RASA1: variants seen among roughly 807,000 people sequenced by gnomAD.
RASA1 encodes ras GTPase-activating protein 1.
Under a neutral mutation model 132.2 loss-of-function variants are expected in RASA1, and 25 were observed. The ratio of observed to expected loss-of-function variants is 0.19; its 90% CI spans 0.14 to 0.26. The LOEUF is 0.26. Ranked by LOEUF, RASA1 falls within the 10% of genes least tolerant of loss-of-function variation. The pLI, the probability that RASA1 is intolerant of heterozygous loss-of-function variation, is 1.00. For synonymous variants in RASA1, 477 were observed against 449.9 expected, an observed-to-expected ratio of 1.06 and a Z score of -0.76; for missense variants, 964 against 1,299.2, an observed-to-expected ratio of 0.74 and a Z score of 3.97.
chr5:87,334,889 C>CTT (rs1353348896), intron 4 of RASA1, among the ~76,000 whole-genome samples: 1 of 145,126 alleles, frequency 6.9e-6, no homozygotes. Context: ...TAGTTTGTTC[C>CTT]TTTTTTTTTT....
chr5:87,302,321 T>C (rs1399741768), intron 1 of RASA1, among the ~76,000 whole-genome samples: 1 of 152,032 alleles, frequency 6.6e-6, no homozygotes, highest in Non-Finnish European at 1.5e-5. Context: ...TTTTTTCATA[T>C]GTTCATTGGT....
intron 21 of RASA1, among the ~76,000 whole-genome samples, chr5:87,385,087 G>A (rs1761976974): frequency 6.6e-6 from 1 of 152,058 alleles, no homozygotes; most frequent in Non-Finnish European, 1.5e-5. Context: ...GCACTGATAA[G>A]CATATTCACT....
chr5:87,312,101 A>ATGATG (rs1755960981), intron 1 of RASA1, among the ~76,000 whole-genome samples: 1 of 152,266 alleles, frequency 6.6e-6, no homozygotes, highest in South Asian at 2.1e-4. Flanking sequence ...TGATCACTGC[A>ATGATG]TGATGCAACC....
intron 1 of RASA1, among the ~76,000 whole-genome samples, chr5:87,306,767 G>C (rs972626033): frequency 6.6e-6 from 1 of 152,026 alleles, no homozygotes; most frequent in African/African-American, 2.4e-5. Context: ...GAGTTTGGAA[G>C]ATTCTTGACC....
At chr5:87,334,714 C>T (rs1013861461) in intron 4 of RASA1, among the ~76,000 whole-genome samples, 7 of 152,152 alleles carry the variant, frequency 4.6e-5, no homozygotes, top group African/African-American at 1.7e-4. Context: ...AAGACAGTTT[C>T]ATTGAAGAGT....
chr5:87,273,291 GA>G (rs1462118808), intron 1 of RASA1, among the ~76,000 whole-genome samples: 2 of 152,016 alleles, frequency 1.3e-5, no homozygotes, highest in African/African-American at 4.8e-5. Context: ...CTATTTATTT[GA>G]ATATTTTTGA....
At chr5:87,380,693 T>C in intron 20 of RASA1, 98 bp downstream of exon 20, 1 of 1,124,970 alleles carries the variant, frequency 8.9e-7, no homozygotes. Flanking sequence ...CTTTTTTCTT[T>C]GGCTTTTATG....
Position 87,268,844 on chromosome 5 carries a change from C to A in RASA1, c.393C>A (p.Gly131=). 1.2e-6 allele frequency: 2 copies of A among 1,614,114 alleles called. No individual in the cohort carries two copies. Among genetic ancestry groups the A allele is most frequent in the Non-Finnish European group, 1.7e-6 (2 of 1,180,030 alleles). The change falls in exon 1 of 25, where the codon GGC becomes GGA. Residue 131 remains glycine (G), a synonymous_variant. Coordinates refer to ENST00000274376, the MANE Select transcript of RASA1 (RefSeq NM_002890.3). ...TGCTTGCTGAGACTCTCGGGCCAGG[C>A]GGCGGTTTTCCCCCTCTGCCCCCTC... ...TSLLAETLGP[G]GGFPPLPPPP...
intron 6 of RASA1, among the ~76,000 whole-genome samples, chr5:87,341,624 G>A (rs1758468653): frequency 6.6e-6 from 1 of 151,988 alleles, no homozygotes; most frequent in Non-Finnish European, 1.5e-5. Flanking sequence ...ATTATTCATA[G>A]TATTTCTTGG....
At chr5:87,287,409 C>CAT (rs1352840567) in intron 1 of RASA1, among the ~76,000 whole-genome samples, 3 of 135,568 alleles carry the variant, frequency 2.2e-5, no homozygotes, top group Non-Finnish European at 4.7e-5. Context: ...ATATACACAC[C>CAT]ATATATACAC....
chr5:87,366,717 GTC>G (rs552420786), intron 11 of RASA1, among the ~76,000 whole-genome samples: 2 of 152,162 alleles, frequency 1.3e-5, no homozygotes, highest in Non-Finnish European at 2.9e-5. Flanking sequence ...CTAAACTCAA[GTC>G]TCTCATTTAG....
At chr5:87,337,847 T>G in intron 4 of RASA1, 127 bp from the exon 5 acceptor site, 1 of 950,928 alleles carries the variant, frequency 1.1e-6, no homozygotes, top group Non-Finnish European at 1.5e-6. Flanking sequence ...AAATTTAGGG[T>G]GTTTGACTCT....
chr5:87,325,175 G>T (rs1313042756), intron 1 of RASA1, among the ~76,000 whole-genome samples: 6 of 152,058 alleles, frequency 3.9e-5, no homozygotes, highest in African/African-American at 1.4e-4. Flanking sequence ...GCAAAAGGGG[G>T]AAAAGCCCCT....
At position 87,268,231 on chromosome 5, in the gene RASA1, GT is replaced by G. The variant is rs1753649822; in HGVS notation, c.-215del. On this transcript the variant is annotated 5_prime_UTR_variant, in exon 1 of 25. Transcript: ENST00000274376. ...TGGGTGGCGTTTGTGCAGGCGTTGGGTTTTTTGCCCACTTGGCTTCCCGTAA... is the reference window on the plus strand; with the variant it reads ...TGGGTGGCGTTTGTGCAGGCGTTGGGTTTTTGCCCACTTGGCTTCCCGTAA... 4.7e-6 allele frequency: 3 copies of G among 637,648 alleles called. No homozygotes were observed. Among genetic ancestry groups the G allele is most frequent in the Non-Finnish European group, 7.8e-6 (3 of 382,298 alleles). The allele number at this position is 637,648 out of a possible 1,614,324, so 39.5% of individuals were successfully genotyped here.
chr5:87,330,734 C>T (rs1363828477), intron 1 of RASA1, among the ~76,000 whole-genome samples: 1 of 152,046 alleles, frequency 6.6e-6, no homozygotes, highest in African/African-American at 2.4e-5. Context: ...TTTATTCTCC[C>T]ACATGTTTGT....
chr5:87,317,814 T>G (rs1756458570), intron 1 of RASA1, among the ~76,000 whole-genome samples: 1 of 152,048 alleles, frequency 6.6e-6, no homozygotes, highest in Admixed American at 6.5e-5. Flanking sequence ...TTTTGTACAT[T>G]TTGTAGAGAC....
At chr5:87,284,250 G>A (rs754707824) in intron 1 of RASA1, among the ~76,000 whole-genome samples, 14 of 152,082 alleles carry the variant, frequency 9.2e-5, no homozygotes, top group Non-Finnish European at 2.1e-4. Flanking sequence ...TTAAACCATT[G>A]TTAGCTTTCT....
intron 1 of RASA1, among the ~76,000 whole-genome samples, chr5:87,286,217 G>A (rs1278735806): frequency 6.6e-6 from 1 of 152,024 alleles, no homozygotes; most frequent in Non-Finnish European, 1.5e-5. Context: ...TGGCAAGGCT[G>A]GTCTCGAATG....
rs145879163 is a variant in RASA1, at chr5:87,372,281, T to C, written c.1776+86T>C. On this transcript the variant is annotated intron_variant, in intron 13 of 24. Coordinates refer to ENST00000274376, the MANE Select transcript of RASA1 (RefSeq NM_002890.3). ...TTATTTTATTTTTATCTGAACTGTT[T>C]TGGACATCATATGGGGTTAAGCCAT... 4.0e-6 allele frequency: 5 copies of C among 1,245,792 alleles called. No homozygotes were observed. In the East Asian group the frequency reaches 9.9e-5, roughly 25 times the overall value. 77.2% of individuals were successfully genotyped at this position (1,245,792 alleles called of 1,614,324 possible).
Sources: gnomAD v4.1 joint callset for allele counts (sites outside exome capture counted in the v4.1 genomes callset) on GRCh38, gnomAD v4.1.1 for gene constraint, MANE v1.5 for transcripts, NCBI Gene and HGNC (gene_info 2026-07-23, HGNC 2026-07-21) for gene names.